The following CHST15 variants were observed in gnomAD, a reference collection of about 807,000 sequenced individuals.
The protein encoded by CHST15 is B cell RAG associated protein (GALNAC4S-6ST).
CHST15 carries 30 observed loss-of-function variants against 53.6 expected under a neutral mutation model. That is an observed-to-expected ratio of 0.56 (90% CI 0.42 to 0.76). The LOEUF is 0.76. CHST15 is among the 30% of genes least tolerant of loss of function. The pLI, the probability that CHST15 is intolerant of heterozygous loss-of-function variation, is 0.00. For synonymous variants in CHST15, 296 were observed against 289.8 expected (o/e 1.02, Z -0.22); for missense variants, 627 against 740.5 (o/e 0.85, Z 1.78).
chr10:124,052,532 A>G (rs1027494049), intron 1 of CHST15, among the ~76,000 whole-genome samples: 1 of 152,184 alleles, frequency 6.6e-6, no homozygotes, highest in African/African-American at 2.4e-5. Flanking sequence ...GTATTTTTCA[A>G]AAGAAGTCCC....
chr10:124,015,007 G>C (rs1406666155), intron 6 of CHST15, among the ~76,000 whole-genome samples: 6 of 152,142 alleles, frequency 3.9e-5, no homozygotes, highest in African/African-American at 1.4e-4. Context: ...GCGCTCGGCT[G>C]CTTCTCCCGG....
intron 4 of CHST15, among the ~76,000 whole-genome samples, chr10:124,040,747 G>A (rs1478409009): frequency 6.6e-6 from 1 of 152,258 alleles, no homozygotes; most frequent in South Asian, 2.1e-4. Flanking sequence ...AGAGCTGGCC[G>A]CTGGCCCAAG....
chr10:124,052,836 C>A (rs923862052), intron 1 of CHST15, among the ~76,000 whole-genome samples: 1 of 152,102 alleles, frequency 6.6e-6, no homozygotes, highest in African/African-American at 2.4e-5. Context: ...GAGTTCGACA[C>A]CAGCCTGACC....
At chr10:124,093,101 A>C (rs767394083) in intron 1 of CHST15, among the ~76,000 whole-genome samples, 4 of 149,402 alleles carry the variant, frequency 2.7e-5, no homozygotes, top group Non-Finnish European at 5.9e-5. Flanking sequence ...TCAAGCGCGC[A>C]GGGCGCCCGG....
intron 5 of CHST15, among the ~76,000 whole-genome samples, chr10:124,030,384 T>C (rs1167561407): frequency 1.3e-5 from 2 of 152,130 alleles, no homozygotes; most frequent in African/African-American, 4.8e-5. Flanking sequence ...CAGGAATCAA[T>C]AGGCAGCTTC....
intron 1 of CHST15, among the ~76,000 whole-genome samples, chr10:124,072,122 A>G (rs1270540257): frequency 6.6e-6 from 1 of 152,156 alleles, no homozygotes; most frequent in Non-Finnish European, 1.5e-5. Flanking sequence ...CCTGCCCCCG[A>G]TTTACTGAAT....
chr10:124,034,581 A>G (rs1310782053), intron 5 of CHST15, among the ~76,000 whole-genome samples: 2 of 145,910 alleles, frequency 1.4e-5, no homozygotes, highest in East Asian at 2.6e-4. Context: ...TTCATCCCCT[A>G]ACAGGGACCC....
chr10:124,086,137 A>G lies in CHST15; in HGVS notation c.-513+7332T>C, dbSNP rs79059590. 5.8e-3 allele frequency among the ~76,000 whole-genome samples: 876 copies of G among 152,326 alleles called. 4 individuals carry two copies. The highest frequency in any genetic ancestry group is 0.02 in the African/African-American group (824 of 41,558). On this transcript the variant is annotated intron_variant, in intron 1 of 7. Coordinates refer to ENST00000435907, the MANE Select transcript of CHST15 (RefSeq NM_001270764.2). Reference sequence around the variant, plus strand: ...AGATCCATGGATCACCATTACCTCAATCATGCTCTGCCAACAAGTAGGAAA... The same window carrying G: ...AGATCCATGGATCACCATTACCTCAGTCATGCTCTGCCAACAAGTAGGAAA...
chr10:124,045,597 G>A (rs771867094), intron 2 of CHST15, 70 bp downstream of exon 2: 31 of 1,400,098 alleles, frequency 2.2e-5, no homozygotes, highest in Non-Finnish European at 3.0e-5. Context: ...TCCCAAAGAT[G>A]GTGATAGAAA....
chr10:124,090,936 G>A (rs1211912812), intron 1 of CHST15, among the ~76,000 whole-genome samples: 1 of 152,206 alleles, frequency 6.6e-6, no homozygotes, highest in Admixed American at 6.5e-5. Context: ...CGCAAAGACA[G>A]GGTTGGACTT....
At position 124,009,989 on chromosome 10, in the gene CHST15, C is replaced by T. The variant is rs1265801884; in HGVS notation, c.*160G>A. On this transcript the variant is annotated 3_prime_UTR_variant, in exon 8 of 8. Transcript: ENST00000435907. The stretch of plus-strand genomic sequence containing the variant: ...TCCATTGCTGAGCTCTCGAACATCA[C>T]GAAGGAAATTCCAAAATGGTTATAA... The T allele has an allele frequency of 6.8e-7, 1 of 1,470,484 alleles. No individual in the cohort carries two copies. Among genetic ancestry groups the T allele is most frequent in the South Asian group, 1.4e-5 (1 of 71,588 alleles). 91.1% of individuals were successfully genotyped at this position (1,470,484 alleles called of 1,614,324 possible). A position where few individuals can be genotyped will look rare whatever the true frequency, so the allele number is the denominator to read the frequency against.
At chr10:124,067,429 A>G (rs1948782078) in intron 1 of CHST15, among the ~76,000 whole-genome samples, 1 of 152,206 alleles carries the variant, frequency 6.6e-6, no homozygotes, top group African/African-American at 2.4e-5. Context: ...GAGAGATCAC[A>G]CTGTCGGAAC....
At chr10:124,031,520 T>C (rs2133919705) in intron 5 of CHST15, among the ~76,000 whole-genome samples, 1 of 152,324 alleles carries the variant, frequency 6.6e-6, no homozygotes, top group East Asian at 1.9e-4. Context: ...TTAGAATTTA[T>C]GTATTGAAGC....
Position 124,019,617 on chromosome 10 carries a change from C to A in CHST15, c.1347+1639G>T. On this transcript the variant is annotated intron_variant, in intron 6 of 7. Transcript: ENST00000435907. This position sits in a 1 kb window ranked among gnomAD's most constrained non-coding sequence, Gnocchi z 4.6. Reference sequence around the variant, plus strand: ...TCCGTTTCCTTATGAAGGCTCCCTCCCGGGTTACATGAAATTTACGTTAAA... The same window carrying A: ...TCCGTTTCCTTATGAAGGCTCCCTCACGGGTTACATGAAATTTACGTTAAA... 3.2e-6 allele frequency: 1 copy of A among 310,572 alleles called. No homozygotes were observed. Among genetic ancestry groups the A allele is most frequent in the Non-Finnish European group, 4.7e-6 (1 of 212,772 alleles). 19.2% of individuals were successfully genotyped at this position (310,572 alleles called of 1,614,324 possible). A position where few individuals can be genotyped will look rare whatever the true frequency, so the allele number is the denominator to read the frequency against.
intron 1 of CHST15, among the ~76,000 whole-genome samples, chr10:124,076,459 C>G (rs1275332234): frequency 6.6e-6 from 1 of 152,194 alleles, no homozygotes; most frequent in East Asian, 1.9e-4. Flanking sequence ...ATTTCCTAAG[C>G]GTGTGCTTAG....
chr10:124,085,617 T>C (rs976275254), intron 1 of CHST15, among the ~76,000 whole-genome samples: 1 of 152,222 alleles, frequency 6.6e-6, no homozygotes, highest in African/African-American at 2.4e-5. Flanking sequence ...GCTACATGGA[T>C]GTACCGTGAG....
intron 3 of CHST15, among the ~76,000 whole-genome samples, chr10:124,043,639 A>G (rs1369764334): frequency 6.6e-6 from 1 of 152,238 alleles, no homozygotes; most frequent in Non-Finnish European, 1.5e-5. Flanking sequence ...CAGAGAGGAA[A>G]CAGTGATCTG....
At chr10:124,090,771 G>A (rs566927360) in intron 1 of CHST15, among the ~76,000 whole-genome samples, 12 of 152,332 alleles carry the variant, frequency 7.9e-5, no homozygotes, top group African/African-American at 2.2e-4. Context: ...CAGACATGGC[G>A]AGCTTTGATC....
intron 1 of CHST15, among the ~76,000 whole-genome samples, chr10:124,082,913 C>A (rs1228291479): frequency 6.6e-6 from 1 of 152,046 alleles, no homozygotes; most frequent in African/African-American, 2.4e-5. Flanking sequence ...TTGCTCAAGG[C>A]TGAAGGGTAC....
Sources: gnomAD v4.1 joint callset for allele counts (sites outside exome capture counted in the v4.1 genomes callset) on GRCh38, gnomAD v4.1.1 for gene constraint, Gnocchi (gnomAD v3.1) non-coding constraint, MANE v1.5 for transcripts, NCBI Gene and HGNC (gene_info 2026-07-23, HGNC 2026-07-21) for gene names.